STARD9: variants seen among roughly 807,000 people sequenced by gnomAD.
STARD9 encodes the protein stAR-related lipid transfer protein 9.
Under a neutral mutation model 399.8 loss-of-function variants are expected in STARD9, and 346 were observed. That is an observed-to-expected ratio of 0.87 (90% CI 0.79 to 0.95). The LOEUF (loss-of-function observed/expected upper bound fraction) is 0.95, where lower values mean the gene tolerates loss of function less well. Ranked by LOEUF, STARD9 falls within the 40% of genes least tolerant of loss-of-function variation. The probability of loss-of-function intolerance (pLI) is 0.00; values close to 1 mark genes in which losing one functional copy is unlikely to be tolerated. For synonymous variants in STARD9, 2,203 were observed against 2,143.5 expected, an observed-to-expected ratio of 1.03 and a Z score of -0.77; for missense variants, 5,832 against 5,667.5, an observed-to-expected ratio of 1.03 and a Z score of -0.93.
intron 13 of STARD9, 71 bp from the exon 14 acceptor site, chr15:42,665,182 T>C (rs1361179624): frequency 1.0e-5 from 13 of 1,260,842 alleles, no homozygotes; most frequent in Non-Finnish European, 1.3e-5. Flanking sequence ...TCCCAGCCAA[T>C]TGCAACTAGC....
At chr15:42,620,768 T>TTTTATTTTA in intron 3 of STARD9, among the ~76,000 whole-genome samples, 1 of 151,444 alleles carries the variant, frequency 6.6e-6, no homozygotes, top group African/African-American at 2.4e-5. Flanking sequence ...TTTTATTTTA[T>TTTTATTTTA]TTTGGAGACA....
At position 42,693,273 on chromosome 15, in the gene STARD9, T is replaced by A. The variant is rs754927437; in HGVS notation, c.11695T>A (p.Ser3899Thr). 7.0e-5 allele frequency: 108 copies of A among 1,536,978 alleles called. No individual in the cohort carries two copies. The East Asian group carries it at 2.6e-3, about 37-fold the overall frequency. ...TGCTTTGTTCGTGGACAGGGCCTCC[T>A]CCCCAATCCTCACTCTTAGTGCCAG... ...TSALFVDRAS[S>T]PILTLSASTQ... Residue 3899 changes from serine (S) to threonine (T), a missense_variant, in exon 23 of 33, where the codon TCC becomes ACC. By Grantham distance (58) the Ser-to-Thr change is moderately conservative (BLOSUM62 1). Around this residue, in one of 2 missense-constraint regions of STARD9, gnomAD observed 5,828 missense variants for 5,651.1 expected, o/e 1.03. Coordinates refer to ENST00000290607, the MANE Select transcript of STARD9 (RefSeq NM_020759.3).
In STARD9 at chr15:42,691,488, G is replaced by A. The variant is rs771189319; in HGVS notation, c.9910G>A (p.Gly3304Ser). 14 of 1,537,142 alleles carry A rather than the reference G, an allele frequency of 9.1e-6. No individual in the cohort carries two copies. The South Asian group carries it at 1.7e-4, about 18-fold the overall frequency. Residue 3304 changes from glycine to serine, a missense_variant, in exon 23 of 33, where the codon GGC becomes AGC. By Grantham distance (56) the Gly-to-Ser change is moderately conservative. Transcript: ENST00000290607. ...GREQPAPNHR[G>S]SLPVTTIFSG... ...AGAGCAGCCAGCACCCAACCACAGGGGCTCACTTCCTGTGACTACAATCTT... is the reference window on the plus strand; with the variant it reads ...AGAGCAGCCAGCACCCAACCACAGGAGCTCACTTCCTGTGACTACAATCTT...
chr15:42,676,056 T>C, intron 20 of STARD9, 81 bp downstream of exon 20: 1 of 134,678 alleles, frequency 7.4e-6, no homozygotes, highest in African/African-American at 7.6e-5. Flanking sequence ...AGGGTGGGGG[T>C]GGGGGGTGAT....
At chr15:42,681,677 G>A in intron 21 of STARD9, 65 bp downstream of exon 21, 1 of 1,361,992 alleles carries the variant, frequency 7.3e-7, no homozygotes, top group Non-Finnish European at 9.8e-7. Flanking sequence ...TGCTTCCTCA[G>A]CCTTCTGTAT....
At chr15:42,597,221 A>G (rs1429964182) in intron 3 of STARD9, among the ~76,000 whole-genome samples, 1 of 152,108 alleles carries the variant, frequency 6.6e-6, no homozygotes, top group Non-Finnish European at 1.5e-5. Context: ...TCAGTCTCCC[A>G]TGTAGCTGGG....
intron 20 of STARD9, among the ~76,000 whole-genome samples, chr15:42,678,730 G>A (rs754191333): frequency 7.9e-5 from 12 of 152,204 alleles, no homozygotes; most frequent in Non-Finnish European, 1.5e-4. Context: ...GGGGGATACT[G>A]GAGCCATCAG....
chr15:42,584,819 C>T (rs991417945), intron 2 of STARD9, among the ~76,000 whole-genome samples: 1 of 152,320 alleles, frequency 6.6e-6, no homozygotes, highest in South Asian at 2.1e-4. Flanking sequence ...GGCCAAACTA[C>T]TCACGTACTC....
intron 26 of STARD9, among the ~76,000 whole-genome samples, chr15:42,700,225 A>G (rs963104092): frequency 6.6e-6 from 1 of 152,262 alleles, no homozygotes. Context: ...TATTGTGAGT[A>G]GTGCTGCAAT....
chr15:42,691,762 C>G lies in STARD9; in HGVS notation c.10184C>G (p.Thr3395Ser). The G allele has an allele frequency of 6.5e-7, 1 of 1,537,254 alleles. No homozygotes were observed. The highest frequency in any genetic ancestry group is 8.7e-7 in the Non-Finnish European group (1 of 1,146,908). The change falls in exon 23 of 33, where the codon ACC (threonine) becomes AGC (serine). Residue 3395 changes from threonine to serine, a missense_variant. Coordinates refer to ENST00000290607, the MANE Select transcript of STARD9 (RefSeq NM_020759.3). ...KASSRLDDGT[T>S]DHRHLKPATP... ...TCATCTCGCTTGGATGATGGGACTACCGATCACAGGCACCTGAAGCCTGCC... is the reference window on the plus strand; with the variant it reads ...TCATCTCGCTTGGATGATGGGACTAGCGATCACAGGCACCTGAAGCCTGCC...
chr15:42,620,427 G>C (rs1003222116), intron 3 of STARD9, among the ~76,000 whole-genome samples: 1 of 151,904 alleles, frequency 6.6e-6, no homozygotes, highest in African/African-American at 2.4e-5. Flanking sequence ...GCTGCAGTGA[G>C]CTGTGATCAC....
chr15:42,719,484 T>C lies in STARD9; in HGVS notation c.14013T>C (p.Gly4671=), dbSNP rs1469709305. Residue 4671 remains glycine (G), a synonymous_variant, in exon 33 of 33, where the codon GGT becomes GGC. Transcript: ENST00000290607. ...CTCTCTGCTTTCAGGTGGAACTTGG[T>C]GCTCCAGGCTTCCCACCTCAGCTCC... The part of the protein sequence containing the change: ...RVIYLAQVEL[G]APGFPPQLLS... The C allele has an allele frequency of 6.5e-7, 1 of 1,536,520 alleles. No individual in the cohort carries two copies. Among genetic ancestry groups the C allele is most frequent in the South Asian group, 1.2e-5 (1 of 84,044 alleles).
At chr15:42,584,988 T>C (rs1289892058) in intron 2 of STARD9, among the ~76,000 whole-genome samples, 2 of 152,218 alleles carry the variant, frequency 1.3e-5, no homozygotes, top group Non-Finnish European at 2.9e-5. Context: ...TGTGATGGGT[T>C]GCAGCCAAAA....
chr15:42,680,969 G>A (rs1327257044), intron 20 of STARD9, among the ~76,000 whole-genome samples: 1 of 152,196 alleles, frequency 6.6e-6, no homozygotes, highest in Non-Finnish European at 1.5e-5. Flanking sequence ...GGGAATGGAG[G>A]TGCAGTAACA....
intron 3 of STARD9, among the ~76,000 whole-genome samples, chr15:42,600,534 T>C (rs1427356608): frequency 6.6e-6 from 1 of 151,582 alleles, no homozygotes; most frequent in Non-Finnish European, 1.5e-5. Flanking sequence ...TTCTTTTTTT[T>C]TTTTTTTTGA....
rs781447426 is a variant in STARD9 at position 42,695,931 on chromosome 15, A to G, written c.13284+51A>G. 9.0e-5 allele frequency: 137 copies of G among 1,514,268 alleles called. 2 individuals carry two copies. In the African/African-American group the frequency reaches 1.5e-3, roughly 17 times the overall value. The allele number at this position is 1,514,268 out of a possible 1,614,324, so 93.8% of individuals were successfully genotyped here. A position where few individuals can be genotyped will look rare whatever the true frequency, so the allele number is the denominator to read the frequency against. On this transcript the variant is annotated intron_variant, in intron 26 of 32. Coordinates refer to ENST00000290607, the MANE Select transcript of STARD9 (RefSeq NM_020759.3). Reference sequence around the variant, plus strand: ...GCCAGGGGCCTGGACTGCCAAGGCAAGAGTTTGAGCAGGACGCTGTGCCTC... The same window carrying G: ...GCCAGGGGCCTGGACTGCCAAGGCAGGAGTTTGAGCAGGACGCTGTGCCTC...
intron 28 of STARD9, 133 bp downstream of exon 28, chr15:42,717,181 A>T (rs2061366244): frequency 9.9e-7 from 1 of 1,013,132 alleles, no homozygotes. Flanking sequence ...GTGGTTCTTC[A>T]TCTTGAGAAA....
At chr15:42,662,732 C>T in intron 10 of STARD9, 62 bp from the exon 11 acceptor site, 3 of 1,078,694 alleles carry the variant, frequency 2.8e-6, no homozygotes, top group Admixed American at 2.0e-5. Flanking sequence ...TATTTTTCAA[C>T]AGCATTGTAA....
Position 42,685,534 on chromosome 15 carries a change from ACT to A in STARD9, c.3962_3963del (p.Leu1321ProfsTer21). ...GAGCCAAGCTACTCTGAACAAGCCG[ACT>A]CTCTCCAAGGCATGCAGCTTTCAAG... On this transcript the variant is annotated frameshift_variant, in exon 23 of 33. Coordinates refer to ENST00000290607, the MANE Select transcript of STARD9 (RefSeq NM_020759.3). LOFTEE classifies it high-confidence loss of function. The A allele has an allele frequency of 1.3e-6, 2 of 1,537,220 alleles. No individual in the cohort carries two copies. The highest frequency in any genetic ancestry group is 1.4e-5 in the African/African-American group (1 of 72,986).
Sources: gnomAD v4.1 joint callset for allele counts (sites outside exome capture counted in the v4.1 genomes callset) on GRCh38, gnomAD v4.1.1 for gene constraint, gnomAD v4.1.1 regional missense constraint, MANE v1.5 for transcripts, NCBI Gene and HGNC (gene_info 2026-07-23, HGNC 2026-07-21) for gene names.